The following TRPM3 variants were observed in gnomAD, a reference collection of about 807,000 sequenced individuals.
The protein encoded by TRPM3 is transient receptor potential cation channel subfamily M member 3.
In TRPM3, 77 loss-of-function variants were observed where a neutral mutation model predicts 181.2. The observed-to-expected ratio is 0.42, with a 90% CI of 0.35 to 0.51. The LOEUF is 0.51. TRPM3 is among the 20% of genes least tolerant of loss of function. The probability of loss-of-function intolerance (pLI) is 0.01; values close to 1 mark genes in which losing one functional copy is unlikely to be tolerated. For synonymous variants in TRPM3, 745 were observed against 796.4 expected, an observed-to-expected ratio of 0.94 and a Z score of 1.09; for missense variants, 1,759 against 2,196.7, an observed-to-expected ratio of 0.80 and a Z score of 3.98.
rs148313949 is a variant in TRPM3, at chr9:71,411,049, A to G, written c.183+35604T>C. On this transcript the variant is annotated intron_variant, in intron 1 of 24. Coordinates refer to the TRPM3 transcript ENST00000357533. ...TAGAAAAGGCCTTTGACAAAATTCA[A>G]CAGCCCTTCATGCTAAAAACTCTCA... 2.1e-3 allele frequency among the ~76,000 whole-genome samples: 318 copies of G among 152,338 alleles called. 15 individuals are homozygous for G. In the South Asian group the frequency reaches 0.049, roughly 23 times the overall value.
At position 70,848,971 on chromosome 9, in the gene TRPM3, C is replaced by T. The variant is rs1433014662; in HGVS notation, c.463-2380G>A. On this transcript the variant is annotated intron_variant, in intron 3 of 25. Transcript: ENST00000677713. The stretch of plus-strand genomic sequence containing the variant: ...CAGCCTGGGCGACAGAGCGAGACTC[C>T]GTCTCAAAAAAAAAAAAAAAAAAAA... 1.2e-4 allele frequency among the ~76,000 whole-genome samples: 2 copies of T among 16,806 alleles called. 1 individual carries two copies. 11.0% of individuals were successfully genotyped at this position (16,806 alleles called of 152,430 possible).
At chr9:71,206,373 G>C (rs1418481281) in intron 1 of TRPM3, among the ~76,000 whole-genome samples, 1 of 151,996 alleles carries the variant, frequency 6.6e-6, no homozygotes, top group Non-Finnish European at 1.5e-5. Flanking sequence ...TCATATGTTT[G>C]TTGGCCACAT....
chr9:70,619,401 GTCT>G (rs2063274967), intron 16 of TRPM3, among the ~76,000 whole-genome samples: 2 of 123,496 alleles, frequency 1.6e-5, no homozygotes, highest in South Asian at 2.7e-4. Context: ...TGTCATCGTC[GTCT>G]TCTTTTTTTT....
intron 1 of TRPM3, among the ~76,000 whole-genome samples, chr9:70,988,311 G>C (rs1440505415): frequency 2.0e-5 from 3 of 152,162 alleles, no homozygotes; most frequent in Non-Finnish European, 4.4e-5. Context: ...ATACTCTTAA[G>C]TTTGAAATCT....
At chr9:71,061,946 T>C (rs1038487172) in intron 1 of TRPM3, among the ~76,000 whole-genome samples, 2 of 152,022 alleles carry the variant, frequency 1.3e-5, no homozygotes, top group South Asian at 4.1e-4. Context: ...GTGACCCCAA[T>C]GACCTAAAAG....
intron 25 of TRPM3, among the ~76,000 whole-genome samples, chr9:70,548,748 TA>T (rs1340509435): frequency 6.6e-6 from 1 of 152,212 alleles, no homozygotes; most frequent in African/African-American, 2.4e-5. Context: ...AAGTTTCTAT[TA>T]GTCTACAGCA....
chr9:71,203,660 G>T (rs1042635209), intron 1 of TRPM3, among the ~76,000 whole-genome samples: 70 of 152,214 alleles, frequency 4.6e-4, no homozygotes, highest in African/African-American at 1.6e-3. Context: ...TCTATAAAAT[G>T]ATGATTACAG....
intron 9 of TRPM3, among the ~76,000 whole-genome samples, chr9:70,679,133 A>G (rs1194765321): frequency 6.6e-6 from 1 of 152,220 alleles, no homozygotes; most frequent in Non-Finnish European, 1.5e-5. Flanking sequence ...TTGTGAAATC[A>G]ATTTAGTGGG....
chr9:71,193,525 T>C (rs1027722), intron 1 of TRPM3, among the ~76,000 whole-genome samples: 65,103 of 151,600 alleles, frequency 0.43, 14,380 homozygotes, highest in East Asian at 0.52. Flanking sequence ...CTATTCAATC[T>C]AAATGACACT....
intron 6 of TRPM3, among the ~76,000 whole-genome samples, chr9:70,813,096 G>A (rs1270893346): frequency 7.2e-6 from 1 of 139,156 alleles, no homozygotes; most frequent in African/African-American, 3.0e-5. Context: ...GTCAGAACAC[G>A]TGACTGTGAT....
chr9:71,170,588 C>T (rs886930380), intron 1 of TRPM3, among the ~76,000 whole-genome samples: 41 of 152,264 alleles, frequency 2.7e-4, no homozygotes, highest in African/African-American at 9.6e-4. Context: ...TCCCCAAATT[C>T]TTTTGTAATT....
At position 71,344,683 on chromosome 9, in the gene TRPM3, T is replaced by A. The variant is rs150184810; in HGVS notation, c.183+101970A>T. Among the ~76,000 whole-genome samples the A allele has an allele frequency of 5.3e-5, 8 of 152,284 alleles. No homozygotes were observed. In the East Asian group the frequency reaches 1.5e-3, roughly 29 times the overall value. On this transcript the variant is annotated intron_variant, in intron 1 of 24. Transcript: ENST00000357533. ...CATCACACCACTGAGGTTGACAGAT[T>A]CAGATTTCTTAGCTAGGACTCAAAA...
At chr9:70,694,604 C>T (rs1010781731) in intron 8 of TRPM3, among the ~76,000 whole-genome samples, 33 of 152,268 alleles carry the variant, frequency 2.2e-4, no homozygotes, top group Middle Eastern at 3.4e-3. Flanking sequence ...CCTCAGCCTC[C>T]CGAGTAGCTG....
intron 14 of TRPM3, among the ~76,000 whole-genome samples, chr9:70,622,960 A>G (rs1266268511): frequency 1.3e-5 from 2 of 152,026 alleles, no homozygotes; most frequent in Non-Finnish European, 2.9e-5. Flanking sequence ...TCTGTTATAT[A>G]TATTTTTTCA....
chr9:70,817,723 G>C (rs1365526368), intron 6 of TRPM3, among the ~76,000 whole-genome samples: 2 of 152,026 alleles, frequency 1.3e-5, no homozygotes, highest in Non-Finnish European at 2.9e-5. Flanking sequence ...CCTAACTTTT[G>C]TCATCTTCCT....
chr9:71,134,003 GTGTGTGTGT>G (rs1245243225), intron 1 of TRPM3, among the ~76,000 whole-genome samples: 1 of 136,056 alleles, frequency 7.3e-6, no homozygotes, highest in Non-Finnish European at 1.6e-5. Flanking sequence ...GTGTGTGTGT[GTGTGTGTGT>G]GTGCGCGTGC....
intron 1 of TRPM3, among the ~76,000 whole-genome samples, chr9:71,372,080 T>C (rs1029425167): frequency 6.6e-6 from 1 of 152,188 alleles, no homozygotes; most frequent in African/African-American, 2.4e-5. Context: ...ATGTGGCATT[T>C]GGTTTTCTGT....
intron 1 of TRPM3, among the ~76,000 whole-genome samples, chr9:71,031,880 C>A (rs2057345418): frequency 1.4e-5 from 2 of 141,712 alleles, no homozygotes; most frequent in Non-Finnish European, 3.0e-5. Flanking sequence ...GGGACCCATC[C>A]AACATGTATT....
Position 70,572,089 on chromosome 9 carries a change from A to G in TRPM3, c.3224-18779T>C, listed in dbSNP as rs1416224820. 2.0e-5 allele frequency among the ~76,000 whole-genome samples: 3 copies of G among 150,498 alleles called. No homozygotes were observed. In the East Asian group the frequency reaches 5.8e-4, roughly 29 times the overall value. On this transcript the variant is annotated intron_variant, in intron 22 of 25. Transcript: ENST00000677713. Reference sequence around the variant, plus strand: ...ACCCTGGAGTGTGAGGGCCCAGGAAAGATACAATATTTCTTCCCAGTTACT... The same window carrying G: ...ACCCTGGAGTGTGAGGGCCCAGGAAGGATACAATATTTCTTCCCAGTTACT...
Sources: gnomAD v4.1 joint callset for allele counts (sites outside exome capture counted in the v4.1 genomes callset) on GRCh38, gnomAD v4.1.1 for gene constraint, MANE v1.5 for transcripts, NCBI Gene and HGNC (gene_info 2026-07-23, HGNC 2026-07-21) for gene names.